Variants in RAPGEF6 observed in about 807,000 individuals in gnomAD.
RAPGEF6 encodes Rap guanine nucleotide exchange factor 6.
A neutral mutation model predicts 171.4 loss-of-function variants in RAPGEF6; 56 were observed. The ratio of observed to expected loss-of-function variants is 0.33; its 90% CI spans 0.26 to 0.41. The LOEUF is 0.41. Ranked by LOEUF, RAPGEF6 falls within the 10% of genes least tolerant of loss-of-function variation. The pLI is 1.00. For missense variants in RAPGEF6, 1,674 were observed against 1,921.4 expected, an observed-to-expected ratio of 0.87 and a Z score of 2.41; for synonymous variants, 692 against 650.1, an observed-to-expected ratio of 1.06 and a Z score of -0.98.
intron 25 of RAPGEF6, among the ~76,000 whole-genome samples, chr5:131,432,770 T>C (rs1009163334): frequency 6.6e-6 from 1 of 152,236 alleles, no homozygotes; most frequent in African/African-American, 2.4e-5. Flanking sequence ...ATGTTTACTA[T>C]GTAACTTTTA....
chr5:131,549,221 T>C (rs1760752122), intron 5 of RAPGEF6, among the ~76,000 whole-genome samples: 1 of 152,188 alleles, frequency 6.6e-6, no homozygotes, highest in Non-Finnish European at 1.5e-5. Context: ...TATATTGATA[T>C]GCTCTAAAAA....
chr5:131,436,016 C>T (rs1561462306), intron 24 of RAPGEF6: 12 of 1,536,872 alleles, frequency 7.8e-6, no homozygotes, highest in Non-Finnish European at 1.0e-5. Flanking sequence ...TTACTGTTGC[C>T]TTGGCTATTT....
chr5:131,617,291 AC>A (rs1765324516), intron 1 of RAPGEF6, among the ~76,000 whole-genome samples: 2 of 78,736 alleles, frequency 2.5e-5, no homozygotes, highest in Admixed American at 2.7e-4. Flanking sequence ...AAAAAACAGC[AC>A]CACACACACA....
chr5:131,630,097 AAG>A (rs1457435505), intron 1 of RAPGEF6, among the ~76,000 whole-genome samples: 3 of 152,212 alleles, frequency 2.0e-5, no homozygotes, highest in Admixed American at 1.3e-4. Context: ...TCTTTCATGA[AAG>A]AAAGTCAATT....
At chr5:131,445,195 A>ATCAT (rs1421650215) in intron 22 of RAPGEF6, among the ~76,000 whole-genome samples, 2 of 152,180 alleles carry the variant, frequency 1.3e-5, no homozygotes, top group African/African-American at 4.8e-5. Flanking sequence ...ATCATACTCC[A>ATCAT]AATCTTTTCT....
intron 1 of RAPGEF6, among the ~76,000 whole-genome samples, chr5:131,608,486 A>G (rs534976000): frequency 4.8e-4 from 73 of 152,294 alleles, no homozygotes; most frequent in Middle Eastern, 3.4e-3. Flanking sequence ...GAAAGAGAAA[A>G]GGAAAAATCT....
chr5:131,429,645 T>C (rs1032422231), intron 26 of RAPGEF6, among the ~76,000 whole-genome samples: 1 of 152,240 alleles, frequency 6.6e-6, no homozygotes, highest in Non-Finnish European at 1.5e-5. Flanking sequence ...AAGGGCTGTT[T>C]CACCTTCTCT....
At chr5:131,549,716 C>CT (rs770419637) in intron 5 of RAPGEF6, among the ~76,000 whole-genome samples, 6 of 151,680 alleles carry the variant, frequency 4.0e-5, no homozygotes, top group South Asian at 2.1e-4. Context: ...TGGTCTCTCT[C>CT]TTTTTTTTAA....
At chr5:131,509,153 A>G (rs1216094718) in intron 8 of RAPGEF6, among the ~76,000 whole-genome samples, 1 of 152,256 alleles carries the variant, frequency 6.6e-6, no homozygotes, top group African/African-American at 2.4e-5. Flanking sequence ...TTTGCATCTT[A>G]AAGATAACAT....
At position 131,442,618 on chromosome 5, in the gene RAPGEF6, T is replaced by C. The variant is rs1752458283; in HGVS notation, c.3422-81A>G. 3 of 1,519,882 alleles carry C rather than the reference T, an allele frequency of 2.0e-6. No homozygotes were observed. The East Asian group carries it at 6.8e-5, about 35-fold the overall frequency. 94.1% of individuals were successfully genotyped at this position (1,519,882 alleles called of 1,614,324 possible). On this transcript the variant is annotated intron_variant, in intron 22 of 27. Transcript: ENST00000509018. ...CACTGGCAATAATAAATGGTTACTTTAAAACCATCTATTTTTAGCACAAAA... is the reference window on the plus strand; with the variant it reads ...CACTGGCAATAATAAATGGTTACTTCAAAACCATCTATTTTTAGCACAAAA...
intron 6 of RAPGEF6, among the ~76,000 whole-genome samples, chr5:131,547,289 T>A (rs560464403): frequency 6.6e-6 from 1 of 152,298 alleles, no homozygotes; most frequent in Non-Finnish European, 1.5e-5. Flanking sequence ...AACCATCCTT[T>A]TTATTATTAT....
At chr5:131,546,476 C>T (rs986219380) in intron 6 of RAPGEF6, among the ~76,000 whole-genome samples, 36 of 151,824 alleles carry the variant, frequency 2.4e-4, no homozygotes, top group Non-Finnish European at 4.4e-4. Context: ...TGGTGGCGGG[C>T]GCCTGTAGTC....
At chr5:131,441,660 C>T (rs905664701) in intron 23 of RAPGEF6, among the ~76,000 whole-genome samples, 1 of 152,088 alleles carries the variant, frequency 6.6e-6, no homozygotes, top group African/African-American at 2.4e-5. Flanking sequence ...TCTACATCAC[C>T]AGACTGAAAA....
chr5:131,575,785 G>A (rs72787087), intron 4 of RAPGEF6, among the ~76,000 whole-genome samples: 11 of 152,158 alleles, frequency 7.2e-5, no homozygotes, highest in Non-Finnish European at 7.4e-5. Flanking sequence ...AAGGCTGTGC[G>A]GTCGGAGTTC....
intron 6 of RAPGEF6, among the ~76,000 whole-genome samples, chr5:131,538,091 T>C (rs1272225981): frequency 6.6e-6 from 1 of 151,962 alleles, no homozygotes; most frequent in Non-Finnish European, 1.5e-5. Context: ...CCGTCTCAAA[T>C]AAAACCTAAA....
chr5:131,561,922 T>G, intron 5 of RAPGEF6, 56 bp downstream of exon 5: 1 of 1,354,590 alleles, frequency 7.4e-7, no homozygotes, highest in Non-Finnish European at 1.0e-6. Flanking sequence ...CCTACTACAT[T>G]TAAAGTTAAA....
At chr5:131,447,869 T>C (rs1752822669) in intron 21 of RAPGEF6, among the ~76,000 whole-genome samples, 1 of 152,226 alleles carries the variant, frequency 6.6e-6, no homozygotes, top group African/African-American at 2.4e-5. Flanking sequence ...TCAATTGCTA[T>C]TGGCCAGGCA....
intron 22 of RAPGEF6, among the ~76,000 whole-genome samples, chr5:131,445,493 C>CTCTGTGTGTGTGTGTGTGTGTG (rs1554070849): frequency 3.9e-4 from 57 of 147,330 alleles, no homozygotes; most frequent in South Asian, 1.7e-3. Flanking sequence ...AACTCACTCT[C>CTCTGTGTGTGTGTGTGTGTGTG]TGTGTGTGTG....
intron 9 of RAPGEF6, among the ~76,000 whole-genome samples, chr5:131,507,057 T>C (rs1757415588): frequency 6.7e-6 from 1 of 150,218 alleles, no homozygotes; most frequent in Non-Finnish European, 1.5e-5. Context: ...TAAAAATAAT[T>C]TGGATACCTA....
Sources: gnomAD v4.1 joint callset for allele counts (sites outside exome capture counted in the v4.1 genomes callset) on GRCh38, gnomAD v4.1.1 for gene constraint, MANE v1.5 for transcripts, NCBI Gene and HGNC (gene_info 2026-07-23, HGNC 2026-07-21) for gene names.